HECW1: variants seen among roughly 807,000 people sequenced by gnomAD.
HECW1 encodes E3 ubiquitin-protein ligase HECW1.
A neutral mutation model predicts 182.3 loss-of-function variants in HECW1; 61 were observed. That is an observed-to-expected ratio of 0.33 (90% CI 0.27 to 0.41). The LOEUF (loss-of-function observed/expected upper bound fraction) is 0.41, where lower values mean the gene tolerates loss of function less well. Ranked by LOEUF, HECW1 falls within the 10% of genes least tolerant of loss-of-function variation. The pLI is 1.00. For missense variants in HECW1, 1,739 were observed against 2,108.9 expected (o/e 0.82, Z 3.44); for synonymous variants, 859 against 832.6 (o/e 1.03, Z -0.55).
At chr7:43,333,120 G>T (rs1811699850) in intron 5 of HECW1, among the ~76,000 whole-genome samples, 1 of 152,216 alleles carries the variant, frequency 6.6e-6, no homozygotes, top group Non-Finnish European at 1.5e-5. Context: ...CCACTGGATA[G>T]AACTTTGAAG....
intron 2 of HECW1, among the ~76,000 whole-genome samples, chr7:43,151,867 T>G (rs1408991793): frequency 2.0e-5 from 3 of 152,152 alleles, no homozygotes; most frequent in Non-Finnish European, 2.9e-5. Flanking sequence ...AAAGAAAGAT[T>G]TGAGGTTGCT....
At chr7:43,393,827 TTTG>T (rs2075130248) in intron 6 of HECW1, among the ~76,000 whole-genome samples, 1 of 152,170 alleles carries the variant, frequency 6.6e-6, no homozygotes, top group African/African-American at 2.4e-5. Context: ...TGTACCATCC[TTTG>T]TTATCATTGC....
chr7:43,192,899 GT>G (rs1554303036), intron 2 of HECW1, among the ~76,000 whole-genome samples: 1 of 152,180 alleles, frequency 6.6e-6, no homozygotes, highest in Admixed American at 6.5e-5. Context: ...GTGAAAGCAA[GT>G]TTTTTAAGAA....
intron 4 of HECW1, among the ~76,000 whole-genome samples, chr7:43,319,222 C>G (rs1284043235): frequency 6.6e-6 from 1 of 151,242 alleles, no homozygotes; most frequent in Non-Finnish European, 1.5e-5. Context: ...CCCGTCTCTA[C>G]TAAAAATACA....
At chr7:43,464,337 C>T (rs1024498290) in intron 14 of HECW1, among the ~76,000 whole-genome samples, 3 of 152,116 alleles carry the variant, frequency 2.0e-5, no homozygotes, top group Non-Finnish European at 2.9e-5. Flanking sequence ...AGAGAGGAAC[C>T]TGGGAGTGAA....
chr7:43,278,671 C>G (rs957291338), intron 3 of HECW1, among the ~76,000 whole-genome samples: 1 of 152,106 alleles, frequency 6.6e-6, no homozygotes, highest in Non-Finnish European at 1.5e-5. Context: ...CCTGCCACTC[C>G]CCAGGTGCAC....
intron 6 of HECW1, among the ~76,000 whole-genome samples, chr7:43,377,111 G>A (rs1250368330): frequency 5.9e-5 from 9 of 152,052 alleles, no homozygotes; most frequent in Admixed American, 5.9e-4. Flanking sequence ...GAGATGCCTG[G>A]GACTGTGCTC....
chr7:43,351,662 GT>G (rs1317522653), intron 5 of HECW1, among the ~76,000 whole-genome samples: 1 of 139,266 alleles, frequency 7.2e-6, no homozygotes, highest in Admixed American at 7.1e-5. Context: ...TTTGTCAGCT[GT>G]TTTTTTTCTT....
intron 5 of HECW1, among the ~76,000 whole-genome samples, chr7:43,325,314 A>AT (rs1290700026): frequency 2.0e-5 from 3 of 152,214 alleles, no homozygotes; most frequent in Non-Finnish European, 4.4e-5. Flanking sequence ...CTCAATTATC[A>AT]TTTTTTAATA....
chr7:43,522,205 C>G (rs981207462), intron 24 of HECW1: 4 of 152,206 alleles, frequency 2.6e-5, no homozygotes, highest in African/African-American at 7.2e-5. Flanking sequence ...AAGACACTCA[C>G]ATATTAGACT....
At chr7:43,346,502 T>C (rs1485986702) in intron 5 of HECW1, among the ~76,000 whole-genome samples, 1 of 152,202 alleles carries the variant, frequency 6.6e-6, no homozygotes, top group East Asian at 1.9e-4. Flanking sequence ...TTTAATTAGG[T>C]CCTAGGTATT....
chr7:43,156,361 TTC>T (rs1380221578), intron 2 of HECW1, among the ~76,000 whole-genome samples: 8 of 152,222 alleles, frequency 5.3e-5, no homozygotes, highest in African/African-American at 1.7e-4. Context: ...CCAGTCTTTC[TTC>T]TCTCACTTTT....
intron 21 of HECW1, among the ~76,000 whole-genome samples, chr7:43,505,964 C>T (rs1038181680): frequency 7.9e-5 from 12 of 152,282 alleles, no homozygotes; most frequent in African/African-American, 2.4e-4. Context: ...ATTGAATGGG[C>T]AAGCCTTGAT....
chr7:43,275,759 C>G (rs1469269828), intron 3 of HECW1, among the ~76,000 whole-genome samples: 1 of 149,574 alleles, frequency 6.7e-6, no homozygotes, highest in Non-Finnish European at 1.5e-5. Context: ...CCACTCACTC[C>G]CTGCAACAAT....
At chr7:43,420,997 A>G (rs2076164742) in intron 8 of HECW1, among the ~76,000 whole-genome samples, 1 of 152,206 alleles carries the variant, frequency 6.6e-6, no homozygotes, top group Non-Finnish European at 1.5e-5. Flanking sequence ...GAGTCTTGAA[A>G]AAGAAAAGAA....
At position 43,517,910 on chromosome 7, in the gene HECW1, C is replaced by G. The variant is rs10257823; in HGVS notation, c.4019+8789C>G. Among the ~76,000 whole-genome samples, 514 of 152,244 alleles carry G rather than the reference C, an allele frequency of 3.4e-3. 8 individuals are homozygous for G. The East Asian group carries it at 0.049, about 14-fold the overall frequency. On this transcript the variant is annotated intron_variant, in intron 24 of 29. Transcript: ENST00000395891. The stretch of plus-strand genomic sequence containing the variant: ...GATTCTGCCTGTCCTATTTCTGAAC[C>G]CAGCTTTCTTCAGAATGTGTGAGAA...
At chr7:43,443,486 C>T (rs2076952842) in intron 10 of HECW1, among the ~76,000 whole-genome samples, 1 of 152,230 alleles carries the variant, frequency 6.6e-6, no homozygotes, top group African/African-American at 2.4e-5. Flanking sequence ...AGCTTTACAG[C>T]TCACCAGAGG....
At position 43,512,481 on chromosome 7, in the gene HECW1, A is replaced by C. The variant is rs146736688; in HGVS notation, c.4019+3360A>C. 2.6e-3 allele frequency among the ~76,000 whole-genome samples: 399 copies of C among 152,346 alleles called. 2 individuals carry two copies. Among genetic ancestry groups the C allele is most frequent in the African/African-American group, 9.1e-3 (378 of 41,580 alleles). ...AGAAAATGCTGTGAAATTGGTATTC[A>C]TATTTTATAAAATTTATAAATGTGT... is the stretch of plus-strand genomic sequence containing the variant. On this transcript the variant is annotated intron_variant, in intron 24 of 29. Coordinates refer to ENST00000395891, the MANE Select transcript of HECW1 (RefSeq NM_015052.5).
chr7:43,211,544 A>G (rs372180931), intron 2 of HECW1, among the ~76,000 whole-genome samples: 4 of 152,104 alleles, frequency 2.6e-5, no homozygotes, highest in Admixed American at 2.6e-4. Flanking sequence ...GGGGTGAAAG[A>G]CTTTCCAAGG....
Sources: gnomAD v4.1 joint callset for allele counts (sites outside exome capture counted in the v4.1 genomes callset) on GRCh38, gnomAD v4.1.1 for gene constraint, MANE v1.5 for transcripts, NCBI Gene and HGNC (gene_info 2026-07-23, HGNC 2026-07-21) for gene names.